Variants in SOX6 observed in about 807,000 individuals in gnomAD.
SOX6 encodes the protein transcription factor SOX-6.
SOX6 carries 11 observed loss-of-function variants against 97.8 expected under a neutral mutation model. The observed-to-expected ratio is 0.11, with a 90% CI of 0.07 to 0.19. The LOEUF (loss-of-function observed/expected upper bound fraction) is 0.19. SOX6 is among the 10% of genes least tolerant of loss of function. The pLI is 1.00. For synonymous variants in SOX6, 360 were observed against 371.4 expected, an observed-to-expected ratio of 0.97 and a Z score of 0.35; for missense variants, 810 against 1,039.5, an observed-to-expected ratio of 0.78 and a Z score of 3.04.
intron 9 of SOX6, among the ~76,000 whole-genome samples, chr11:16,058,409 C>G (rs1437179615): frequency 6.6e-6 from 1 of 151,956 alleles, no homozygotes; most frequent in Non-Finnish European, 1.5e-5. Context: ...AGGGGCTTTT[C>G]TAAAGTGTCT....
At chr11:15,980,484 A>C (rs1853623581) in intron 15 of SOX6, among the ~76,000 whole-genome samples, 1 of 152,008 alleles carries the variant, frequency 6.6e-6, no homozygotes, top group African/African-American at 2.4e-5. Flanking sequence ...TATCAGCATA[A>C]AAAGAGACTA....
At chr11:16,429,537 A>G (rs1179997427) in intron 1 of SOX6, among the ~76,000 whole-genome samples, 1 of 152,146 alleles carries the variant, frequency 6.6e-6, no homozygotes, top group African/African-American at 2.4e-5. Flanking sequence ...GGACATGGAT[A>G]AAGCTGAAGA....
chr11:16,403,294 A>C (rs529579877), intron 1 of SOX6, among the ~76,000 whole-genome samples: 1 of 151,796 alleles, frequency 6.6e-6, no homozygotes, highest in East Asian at 1.9e-4. Context: ...CAGAGAACTT[A>C]ATTGTTCTGG....
chr11:16,719,814 C>T (rs546588237), intron 2 of SOX6, among the ~76,000 whole-genome samples: 5 of 152,222 alleles, frequency 3.3e-5, no homozygotes, highest in African/African-American at 1.2e-4. Context: ...AGTCCAGCTA[C>T]TAAGGAGGCT....
intron 1 of SOX6, among the ~76,000 whole-genome samples, chr11:16,369,088 C>A (rs142153784): frequency 4.0e-5 from 6 of 151,702 alleles, no homozygotes; most frequent in African/African-American, 1.5e-4. Flanking sequence ...ACCAACCAAA[C>A]AAAAAAGAAT....
chr11:16,024,892 A>G (rs1855172811), intron 12 of SOX6, among the ~76,000 whole-genome samples: 1 of 152,086 alleles, frequency 6.6e-6, no homozygotes, highest in Non-Finnish European at 1.5e-5. Context: ...CTCCAAAATA[A>G]GCGAGTTCTG....
At chr11:16,022,468 G>T (rs1855095313) in intron 12 of SOX6, among the ~76,000 whole-genome samples, 1 of 150,814 alleles carries the variant, frequency 6.6e-6, no homozygotes, top group Non-Finnish European at 1.5e-5. Flanking sequence ...CTGGAGTGCA[G>T]TGGCATGATC....
At chr11:16,602,280 G>T (rs1207119942) in intron 4 of SOX6, among the ~76,000 whole-genome samples, 1 of 152,122 alleles carries the variant, frequency 6.6e-6, no homozygotes, top group African/African-American at 2.4e-5. Context: ...ACGAGGTGTT[G>T]GTGATACATG....
chr11:16,138,253 A>T (rs986364754), intron 6 of SOX6, among the ~76,000 whole-genome samples: 5 of 152,216 alleles, frequency 3.3e-5, no homozygotes, highest in African/African-American at 1.2e-4. Context: ...TAATCTATAC[A>T]ACAACACTAT....
chr11:16,373,780 C>T (rs1346990916), intron 1 of SOX6, among the ~76,000 whole-genome samples: 2 of 144,200 alleles, frequency 1.4e-5, no homozygotes, highest in Non-Finnish European at 3.0e-5. Flanking sequence ...TAGGTCATAA[C>T]CATGCTGAAA....
rs1338956733 is a variant in SOX6 at position 16,561,028 on chromosome 11, T to C, written n.609+51053A>G. 2.0e-5 allele frequency among the ~76,000 whole-genome samples: 3 copies of C among 152,064 alleles called. No individual in the cohort carries two copies. In the East Asian group the frequency reaches 5.8e-4, roughly 29 times the overall value. On this transcript the variant is annotated intron_variant and non_coding_transcript_variant, in intron 4 of 5. Transcript: ENST00000524520. ...CACATTGGATACAGGGTATACTACT[T>C]GGGTGATGGGTGCACCAAAATCTCA...
chr11:16,674,493 A>G lies in SOX6; in HGVS notation n.429+40337T>C, dbSNP rs145534991. ...CCTTTTATCTTTAATCTGAAACATG[A>G]CAAGGATGCCCACTTTCACCACAGT... is the stretch of plus-strand genomic sequence containing the variant. On this transcript the variant is annotated intron_variant and non_coding_transcript_variant, in intron 3 of 5. Transcript: ENST00000524520. Among the ~76,000 whole-genome samples the G allele has an allele frequency of 7.7e-3, 1,171 of 152,358 alleles. 13 individuals carry two copies. Among genetic ancestry groups the G allele is most frequent in the African/African-American group, 0.027 (1,117 of 41,578 alleles).
chr11:16,260,477 C>T (rs1265770786), intron 3 of SOX6, among the ~76,000 whole-genome samples: 1 of 152,138 alleles, frequency 6.6e-6, no homozygotes, highest in Non-Finnish European at 1.5e-5. Context: ...GAGATCAACA[C>T]AACTATTGCC....
chr11:16,177,355 G>T (rs1851220501), intron 6 of SOX6, among the ~76,000 whole-genome samples: 1 of 151,988 alleles, frequency 6.6e-6, no homozygotes, highest in Non-Finnish European at 1.5e-5. Flanking sequence ...TCTTTCAAGG[G>T]TTCCCCAAAA....
At chr11:16,123,422 C>T (rs968664778) in intron 6 of SOX6, among the ~76,000 whole-genome samples, 11 of 151,898 alleles carry the variant, frequency 7.2e-5, no homozygotes, top group Non-Finnish European at 1.6e-4. Context: ...AATTGTCCCT[C>T]CTTGGAAGTA....
In SOX6 at chr11:16,097,719, G is replaced by C. The variant is rs372658285; in HGVS notation, c.899-31C>G. ...GGAAAGAACAATGCATACAGGTTTA[G>C]ACAATGCACAGGGAATTGCAGCAGA... On this transcript the variant is annotated intron_variant, in intron 7 of 15. Coordinates refer to ENST00000683767, the MANE Select transcript of SOX6 (RefSeq NM_001367873.1). 8.9e-6 allele frequency: 14 copies of C among 1,577,744 alleles called. No homozygotes were observed. The African/African-American group carries it at 1.5e-4, about 17-fold the overall frequency.
intron 2 of SOX6, among the ~76,000 whole-genome samples, chr11:16,336,473 A>G (rs1239508072): frequency 2.6e-5 from 4 of 152,074 alleles, no homozygotes; most frequent in Non-Finnish European, 5.9e-5. Context: ...AGAACTCTTC[A>G]ATGAATAACC....
At chr11:16,648,318 C>A (rs1266759182) in intron 3 of SOX6, among the ~76,000 whole-genome samples, 1 of 152,062 alleles carries the variant, frequency 6.6e-6, no homozygotes, top group Non-Finnish European at 1.5e-5. Context: ...GAATCACCCC[C>A]CAACCCTCAC....
intron 6 of SOX6, among the ~76,000 whole-genome samples, chr11:16,174,608 T>G (rs150646884): frequency 2.6e-5 from 4 of 151,998 alleles, no homozygotes; most frequent in South Asian, 4.1e-4. Context: ...CAATTTTTAT[T>G]TCCCATCTCT....
Sources: gnomAD v4.1 joint callset for allele counts (sites outside exome capture counted in the v4.1 genomes callset) on GRCh38, gnomAD v4.1.1 for gene constraint, MANE v1.5 for transcripts, NCBI Gene and HGNC (gene_info 2026-07-23, HGNC 2026-07-21) for gene names.